ABCA12: variants seen among roughly 807,000 people sequenced by gnomAD.
ABCA12 encodes the protein ATP binding cassette subfamily A member 12.
ABCA12 carries 156 observed loss-of-function variants against 293.5 expected under a neutral mutation model. The ratio of observed to expected loss-of-function variants is 0.53; its 90% CI spans 0.47 to 0.61. The LOEUF (loss-of-function observed/expected upper bound fraction) is 0.61, where lower values mean the gene tolerates loss of function less well. Among genes scored for constraint, ABCA12 ranks in the 20% least tolerant of loss-of-function variants. ABCA12 has a pLI of 0.00. For missense variants in ABCA12, 2,797 were observed against 3,090.2 expected, an observed-to-expected ratio of 0.91 and a Z score of 2.25; for synonymous variants, 1,063 against 1,108.0, an observed-to-expected ratio of 0.96 and a Z score of 0.81.
At chr2:215,090,392 A>T (rs1360816908) in intron 2 of ABCA12, among the ~76,000 whole-genome samples, 1 of 152,134 alleles carries the variant, frequency 6.6e-6, no homozygotes, top group Admixed American at 6.5e-5. Flanking sequence ...AGATCCACCT[A>T]CCACCTCGGG....
At chr2:215,129,374 G>C (rs1287888870) in intron 1 of ABCA12, among the ~76,000 whole-genome samples, 1 of 152,164 alleles carries the variant, frequency 6.6e-6, no homozygotes, top group Admixed American at 6.5e-5. Flanking sequence ...TCCAGTGTGA[G>C]CAGGAGTTGC....
At chr2:215,131,951 G>T (rs750456749) in intron 1 of ABCA12, among the ~76,000 whole-genome samples, 20 of 151,364 alleles carry the variant, frequency 1.3e-4, no homozygotes, top group Non-Finnish European at 2.7e-4. Flanking sequence ...ATTTTTATTT[G>T]TTTTGCATTT....
chr2:214,966,797 A>G (rs759649685), intron 39 of ABCA12, 51 bp downstream of exon 39: 20 of 1,550,152 alleles, frequency 1.3e-5, no homozygotes, highest in Non-Finnish European at 1.8e-5. Context: ...ATTTTTATAC[A>G]AAGAGTAACA....
intron 8 of ABCA12, among the ~76,000 whole-genome samples, chr2:215,034,087 T>C (rs1388867999): frequency 6.6e-6 from 1 of 152,224 alleles, no homozygotes; most frequent in African/African-American, 2.4e-5. Flanking sequence ...ATCCTAAAAA[T>C]GTAATTTTAT....
chr2:215,088,247 G>T (rs1214742370), intron 2 of ABCA12, among the ~76,000 whole-genome samples: 1 of 152,198 alleles, frequency 6.6e-6, no homozygotes, highest in African/African-American at 2.4e-5. Context: ...ATGGAGATGG[G>T]ATAATATAAT....
At chr2:215,119,169 C>A (rs1351316279) in intron 1 of ABCA12, among the ~76,000 whole-genome samples, 8 of 152,146 alleles carry the variant, frequency 5.3e-5, no homozygotes, top group Admixed American at 2.6e-4. Context: ...CAGGGTTTCA[C>A]CATGTTGACC....
Position 215,000,344 on chromosome 2 carries a change from G to A in ABCA12, c.3179+361C>T, listed in dbSNP as rs1336313200. 2.0e-5 allele frequency among the ~76,000 whole-genome samples: 3 copies of A among 152,170 alleles called. 1 individual carries two copies. The highest frequency in any genetic ancestry group is 2.1e-4 in the South Asian group (1 of 4,812). Reference sequence around the variant, plus strand: ...GGGAGTTGGAAGGGATTTTAAGATCGTCTTGTTCATCCCTTTCATTTGACT... The same window carrying A: ...GGGAGTTGGAAGGGATTTTAAGATCATCTTGTTCATCCCTTTCATTTGACT... On this transcript the variant is annotated intron_variant, in intron 22 of 52. Transcript: ENST00000272895.
At chr2:214,941,073 C>G (rs940258105) in intron 50 of ABCA12, among the ~76,000 whole-genome samples, 1 of 152,160 alleles carries the variant, frequency 6.6e-6, no homozygotes, top group Non-Finnish European at 1.5e-5. Flanking sequence ...GATTTTAGAT[C>G]TTTCCCATTT....
Position 215,011,558 on chromosome 2 carries a change from T to C in ABCA12, c.2213A>G (p.Tyr738Cys), listed in dbSNP as rs1330468122. The stretch of plus-strand genomic sequence containing the variant: ...GGAAGAGGGCAGCATGGCAGTTAAA[T>C]ATTCAGTGGTAATTCCTTGAGAACA... ...ALCSQGITTE[Y>C]LTAMLPSSQR... The change falls in exon 17 of 53, where the codon TAT becomes TGT. Residue 738 changes from tyrosine to cysteine, a missense_variant. Coordinates refer to ENST00000272895, the MANE Select transcript of ABCA12 (RefSeq NM_173076.3). 6.8e-6 allele frequency: 11 copies of C among 1,614,122 alleles called. No homozygotes were observed. Among genetic ancestry groups the C allele is most frequent in the Non-Finnish European group, 8.5e-6 (10 of 1,179,976 alleles).
intron 38 of ABCA12, among the ~76,000 whole-genome samples, chr2:214,968,446 TTATTTC>T (rs1699312634): frequency 1.3e-5 from 2 of 152,224 alleles, no homozygotes; most frequent in South Asian, 4.1e-4. Flanking sequence ...ATGAAACAGT[TTATTTC>T]TATATTCTGC....
chr2:214,992,519 C>CG (rs1400544682), intron 23 of ABCA12, among the ~76,000 whole-genome samples: 1 of 62,066 alleles, frequency 1.6e-5, no homozygotes, highest in South Asian at 1.0e-3. Flanking sequence ...TAGTATCCCC[C>CG]CCCTTTTTTT....
At chr2:214,951,489 G>A (rs959318078) in intron 44 of ABCA12, among the ~76,000 whole-genome samples, 2 of 152,126 alleles carry the variant, frequency 1.3e-5, no homozygotes, top group African/African-American at 4.8e-5. Context: ...TCATCCAGGT[G>A]TAGTGGCTCA....
Position 214,997,750 on chromosome 2 carries a change from A to C in ABCA12, c.3239T>G (p.Phe1080Cys), listed in dbSNP as rs772422192. The change falls in exon 23 of 53, where the codon TTT (phenylalanine) becomes TGT (cysteine). Residue 1080 changes from phenylalanine (F) to cysteine (C), a missense_variant. Around this residue, in one of 3 missense-constraint regions of ABCA12, gnomAD observed 2,130 missense variants for 2,427.0 expected, o/e 0.88. Transcript: ENST00000272895. ...PIVLMVAWVVFIAAFVKKLVY... is the reference protein window; with the variant it reads ...PIVLMVAWVVCIAAFVKKLVY... ...AAGCTTTTTTACAAAGGCAGCTATAAATACAACCCAGGCAACCATAAGCAC... is the reference window on the plus strand; with the variant it reads ...AAGCTTTTTTACAAAGGCAGCTATACATACAACCCAGGCAACCATAAGCAC... 1 of 1,613,718 alleles carries C rather than the reference A, an allele frequency of 6.2e-7. No individual in the cohort carries two copies. The highest frequency in any genetic ancestry group is 1.1e-5 in the South Asian group (1 of 91,068).
chr2:215,138,307 T>A lies in ABCA12; in HGVS notation c.-99A>T. 1 of 1,255,514 alleles carries A rather than the reference T, an allele frequency of 8.0e-7. No homozygotes were observed. Among genetic ancestry groups the A allele is most frequent in the Non-Finnish European group, 1.2e-6 (1 of 854,520 alleles). The allele number at this position is 1,255,514 out of a possible 1,614,324, so 77.8% of individuals were successfully genotyped here. ...AACTTGCTGTATGTCAGTGTATCAG[T>A]ACCCCTTTCACGGCATAGCTTCCTT... On this transcript the variant is annotated 5_prime_UTR_variant, in exon 1 of 53. Coordinates refer to ENST00000272895, the MANE Select transcript of ABCA12 (RefSeq NM_173076.3).
intron 40 of ABCA12, 56 bp downstream of exon 40, chr2:214,958,968 T>C: frequency 1.3e-6 from 2 of 1,515,554 alleles, no homozygotes; most frequent in Admixed American, 3.3e-5. Flanking sequence ...CAGCACTTTA[T>C]ACAAAGGCTC....
chr2:215,093,601 T>C (rs1343119110), intron 2 of ABCA12, among the ~76,000 whole-genome samples: 2 of 152,256 alleles, frequency 1.3e-5, no homozygotes, highest in Non-Finnish European at 2.9e-5. Context: ...GGACCTCATG[T>C]CTGCGTGCGG....
At chr2:215,136,338 C>T (rs940659983) in intron 1 of ABCA12, among the ~76,000 whole-genome samples, 1 of 152,040 alleles carries the variant, frequency 6.6e-6, no homozygotes, top group African/African-American at 2.4e-5. Context: ...TGAAGAGAAA[C>T]CCCAAAGGAG....
chr2:214,965,695 TAGTC>T (rs1408817391), intron 39 of ABCA12, among the ~76,000 whole-genome samples: 5 of 152,056 alleles, frequency 3.3e-5, no homozygotes, highest in Admixed American at 6.5e-5. Context: ...CATCTCAAAA[TAGTC>T]AGAATGGCTA....
chr2:214,967,816 G>A (rs1027739780), intron 38 of ABCA12, among the ~76,000 whole-genome samples: 1 of 152,200 alleles, frequency 6.6e-6, no homozygotes, highest in South Asian at 2.1e-4. Flanking sequence ...TCATGAAATG[G>A]ACATTAGTTC....
Sources: allele counts gnomAD v4.1 joint callset (sites outside exome capture counted in the v4.1 genomes callset), GRCh38; gene constraint gnomAD v4.1.1; regional missense constraint gnomAD v4.1.1; transcripts MANE v1.5; gene names NCBI Gene and HGNC (gene_info 2026-07-23, HGNC 2026-07-21).